Variants in PLA2G2C observed in about 807,000 individuals in gnomAD.
The protein encoded by PLA2G2C is putative inactive group IIC secretory phospholipase A2.
A neutral mutation model predicts 14.3 loss-of-function variants in PLA2G2C; 15 were observed. The ratio of observed to expected loss-of-function variants is 1.05; its 90% confidence interval spans 0.70 to 1.62. PLA2G2C has a LOEUF of 1.62. Ranked by LOEUF, PLA2G2C falls within the 40% of genes most tolerant of loss-of-function variation. The pLI, the probability that PLA2G2C is intolerant of heterozygous loss-of-function variation, is 0.00. For synonymous variants in PLA2G2C, 79 were observed against 67.7 expected (o/e 1.17, Z -0.82); for missense variants, 162 against 173.2 (o/e 0.94, Z 0.36).
chr1:20,183,524 G>A (rs2018309678), intron 1 of PLA2G2C, among the ~76,000 whole-genome samples: 1 of 152,222 alleles, frequency 6.6e-6, no homozygotes, highest in South Asian at 2.1e-4. Context: ...AGCAAAGGAG[G>A]GCTATGATGC....
intron 1 of PLA2G2C, among the ~76,000 whole-genome samples, chr1:20,183,663 G>T (rs1445807095): frequency 1.3e-5 from 2 of 152,340 alleles, no homozygotes; most frequent in African/African-American, 4.8e-5. Flanking sequence ...GGAGGCTGTG[G>T]TCAGGAAAGG....
At chr1:20,164,365 C>G (rs960026304) in intron 4 of PLA2G2C, among the ~76,000 whole-genome samples, 2 of 151,958 alleles carry the variant, frequency 1.3e-5, no homozygotes, top group Admixed American at 6.5e-5. Flanking sequence ...TGTGCATCTG[C>G]GTGCATTTGT....
Position 20,170,770 on chromosome 1 carries a change from A to G in PLA2G2C, c.283+2024T>C, listed in dbSNP as rs895813128. ...GCTAGTGCCCTGAGCAAGGCTCTGG[A>G]CTCAGGAGCCCTGGTCAAGGCTTCA... On this transcript the variant is annotated intron_variant, in intron 4 of 4. Transcript: ENST00000679259. Among the ~76,000 whole-genome samples the G allele has an allele frequency of 5.2e-5, 5 of 96,742 alleles. 1 individual carries two copies. Among genetic ancestry groups the G allele is most frequent in the African/African-American group, 2.2e-4 (5 of 22,786 alleles). The allele number at this position is 96,742 out of a possible 152,430, so 63.5% of individuals were successfully genotyped here.
Position 20,169,542 on chromosome 1 carries a change from C to T in PLA2G2C, c.283+3252G>A, listed in dbSNP as rs191621704. ...TAGCCCGATGGGCACAAGTACAGAG[C>T]GGACTCTTCAAAGAAACAGTAATAA... On this transcript the variant is annotated intron_variant, in intron 4 of 4. Coordinates refer to ENST00000679259, the MANE Select transcript of PLA2G2C (RefSeq NM_001367969.2). 3.6e-3 allele frequency among the ~76,000 whole-genome samples: 542 copies of T among 152,200 alleles called. 4 individuals are homozygous for T. Among genetic ancestry groups the T allele is most frequent in the Middle Eastern group, 0.014 (4 of 294 alleles).
rs771903644 is a variant in PLA2G2C, at chr1:20,170,830, C to T, written c.283+1964G>A. 3.7e-4 allele frequency among the ~76,000 whole-genome samples: 53 copies of T among 141,516 alleles called. 7 individuals are homozygous for T. Among genetic ancestry groups the T allele is most frequent in the Admixed American group, 1.4e-3 (20 of 14,504 alleles). 92.8% of individuals were successfully genotyped at this position (141,516 alleles called of 152,430 possible). A position where few individuals can be genotyped will look rare whatever the true frequency, so the allele number is the denominator to read the frequency against. Reference sequence around the variant, plus strand: ...GGCTGCTTCTGCTCTGAAGGGGCAACGTGGGAAGAAAGTACAGCCCAGGCC... The same window carrying T: ...GGCTGCTTCTGCTCTGAAGGGGCAATGTGGGAAGAAAGTACAGCCCAGGCC... On this transcript the variant is annotated intron_variant, in intron 4 of 4. Transcript: ENST00000679259.
chr1:20,179,489 T>G (rs532435997), intron 1 of PLA2G2C, among the ~76,000 whole-genome samples: 2 of 149,386 alleles, frequency 1.3e-5, no homozygotes, highest in South Asian at 4.2e-4. Context: ...AGCTTCTCCC[T>G]TTTGTGTCAG....
intron 2 of PLA2G2C, 75 bp downstream of exon 2, chr1:20,177,248 CT>C: frequency 4.3e-6 from 3 of 699,904 alleles, no homozygotes; most frequent in Non-Finnish European, 7.8e-6. Flanking sequence ...CTGGTGCCAC[CT>C]GGAGAGTCCC....
chr1:20,165,849 C>T (rs912687949), intron 4 of PLA2G2C, among the ~76,000 whole-genome samples: 2 of 152,100 alleles, frequency 1.3e-5, no homozygotes, highest in African/African-American at 4.8e-5. Context: ...GTGTTTAGGG[C>T]TCTCAGGTAC....
intron 1 of PLA2G2C, among the ~76,000 whole-genome samples, chr1:20,182,670 C>A (rs1411034884): frequency 1.3e-5 from 2 of 152,248 alleles, no homozygotes; most frequent in Non-Finnish European, 2.9e-5. Flanking sequence ...TGACTAACTG[C>A]CAGCCTCTTG....
At chr1:20,173,687 C>A (rs945709065) in intron 3 of PLA2G2C, among the ~76,000 whole-genome samples, 6 of 152,184 alleles carry the variant, frequency 3.9e-5, no homozygotes, top group African/African-American at 1.4e-4. Context: ...GGAGAAATAC[C>A]ATCTGGAGCA....
chr1:20,180,415 G>A (rs1055768626), intron 1 of PLA2G2C, among the ~76,000 whole-genome samples: 1 of 152,182 alleles, frequency 6.6e-6, no homozygotes, highest in Non-Finnish European at 1.5e-5. Flanking sequence ...CTCTGCTCCT[G>A]TTTACTCCTC....
chr1:20,175,012 A>G lies in PLA2G2C; in HGVS notation c.174T>C (p.Thr58=), dbSNP rs762929387. The change falls in exon 3 of 5, where the codon ACT becomes ACC. Residue 58 remains threonine (T), a synonymous_variant. Transcript: ENST00000679259. ...CTTAGAGCCTCTGCACCCACCTGTC[A>G]GTGTCATCCACGGGGATCCCTTTAT... The part of the protein sequence containing the change: ...LGDKGIPVDD[T]DRHSPSSPSP... 5 of 1,613,366 alleles carry G rather than the reference A, an allele frequency of 3.1e-6. No homozygotes were observed. The highest frequency in any genetic ancestry group is 4.2e-6 in the Non-Finnish European group (5 of 1,179,636).
At position 20,164,163 on chromosome 1, in the gene PLA2G2C, G is replaced by A. The variant is rs1323573071; in HGVS notation, c.284-6C>T. On this transcript the variant is annotated splice_region_variant and splice_polypyrimidine_tract_variant and intron_variant, in intron 4 of 4. Coordinates refer to ENST00000679259, the MANE Select transcript of PLA2G2C (RefSeq NM_001367969.2). ...AGGACCAAGGGTGCATCCACCTACAGAGACACAGAGGGTCACTGGGGGCTC... is the reference window on the plus strand; with the variant it reads ...AGGACCAAGGGTGCATCCACCTACAAAGACACAGAGGGTCACTGGGGGCTC... The A allele has an allele frequency of 1.2e-6, 2 of 1,610,438 alleles. No homozygotes were observed. The highest frequency in any genetic ancestry group is 4.5e-5 in the East Asian group (2 of 44,838).
intron 3 of PLA2G2C, 123 bp from the exon 4 acceptor site, chr1:20,173,020 A>G (rs2018115718): frequency 1.5e-6 from 1 of 658,480 alleles, no homozygotes; most frequent in Non-Finnish European, 2.6e-6. Context: ...CAATAATATT[A>G]AACATAGGCC....
At chr1:20,181,098 G>A (rs1204614493) in intron 1 of PLA2G2C, among the ~76,000 whole-genome samples, 3 of 152,100 alleles carry the variant, frequency 2.0e-5, no homozygotes, top group African/African-American at 7.2e-5. Context: ...GCCTTGCAGG[G>A]GTTCTGAGCA....
rs1043293107 is a variant in PLA2G2C at position 20,177,870 on chromosome 1, T to C, written c.-76-431A>G. ...ATCATATTCATCAACTTTACCTCTC[T>C]GCACCTTGGTTTCTTCTCTTGCAGA... On this transcript the variant is annotated intron_variant, in intron 1 of 4. Transcript: ENST00000679259. 4.6e-5 allele frequency among the ~76,000 whole-genome samples: 7 copies of C among 152,226 alleles called. No homozygotes were observed. In the East Asian group the frequency reaches 9.6e-4, roughly 21 times the overall value.
chr1:20,168,029 A>C (rs951330061), intron 4 of PLA2G2C, among the ~76,000 whole-genome samples: 2 of 152,114 alleles, frequency 1.3e-5, no homozygotes, highest in Non-Finnish European at 1.5e-5. Flanking sequence ...TGTCCTCCTT[A>C]TTGCTGATCT....
intron 2 of PLA2G2C, among the ~76,000 whole-genome samples, chr1:20,176,796 G>A (rs1323500205): frequency 6.6e-6 from 1 of 152,194 alleles, no homozygotes; most frequent in Non-Finnish European, 1.5e-5. Flanking sequence ...CAGCAAAAGA[G>A]TCTATCAGTC....
At position 20,163,974 on chromosome 1, in the gene PLA2G2C, G is replaced by C. The variant is rs112217304; in HGVS notation, c.*17C>G. 6.2e-7 allele frequency: 1 copy of C among 1,607,104 alleles called. No individual in the cohort carries two copies. Among genetic ancestry groups the C allele is most frequent in the Non-Finnish European group, 8.5e-7 (1 of 1,176,752 alleles). Reference sequence around the variant, plus strand: ...CTAGAGCGGATGCTGGATGATGAGAGGGACCCTGTGGTGTCCCTAGCACCA... The same window carrying C: ...CTAGAGCGGATGCTGGATGATGAGACGGACCCTGTGGTGTCCCTAGCACCA... On this transcript the variant is annotated 3_prime_UTR_variant, in exon 5 of 5. Coordinates refer to ENST00000679259, the MANE Select transcript of PLA2G2C (RefSeq NM_001367969.2).
Sources: allele counts gnomAD v4.1 joint callset (sites outside exome capture counted in the v4.1 genomes callset), GRCh38; gene constraint gnomAD v4.1.1; transcripts MANE v1.5; gene names NCBI Gene and HGNC (gene_info 2026-07-23, HGNC 2026-07-21).